Variants in TRDN observed in about 807,000 individuals in gnomAD.
TRDN encodes triadin in skeletal muscle.
TRDN carries 161 observed loss-of-function variants against 149.7 expected under a neutral mutation model. The ratio of observed to expected loss-of-function variants is 1.08; its 90% CI spans 0.95 to 1.23. TRDN has a LOEUF of 1.23. Ranked by LOEUF, TRDN falls within the 50% of genes most tolerant of loss-of-function variation. The pLI is 0.00. For synonymous variants in TRDN, 294 were observed against 250.5 expected (o/e 1.17, Z -1.64); for missense variants, 896 against 823.5 (o/e 1.09, Z -1.08).
rs1358605284 is a variant in TRDN, at chr6:123,407,545, A to C, written c.1052-13868T>G. ...TTTTGCTGTTCAGAGACATGTTTCT[A>C]TCTCTCCTCCTAAGCTGCACACTCC... On this transcript the variant is annotated intron_variant, in intron 12 of 40. Coordinates refer to ENST00000334268, the MANE Select transcript of TRDN (RefSeq NM_006073.4). 2.0e-5 allele frequency among the ~76,000 whole-genome samples: 3 copies of C among 151,844 alleles called. No individual in the cohort carries two copies. In the East Asian group the frequency reaches 5.8e-4, roughly 29 times the overall value.
intron 1 of TRDN, among the ~76,000 whole-genome samples, chr6:123,587,406 G>A (rs1783551138): frequency 6.6e-6 from 1 of 152,100 alleles, no homozygotes; most frequent in East Asian, 1.9e-4. Flanking sequence ...AGGAGAAAGT[G>A]GTTGAGGGAC....
intron 22 of TRDN, among the ~76,000 whole-genome samples, chr6:123,337,264 A>G (rs536231584): frequency 6.6e-6 from 1 of 152,058 alleles, no homozygotes; most frequent in Non-Finnish European, 1.5e-5. Flanking sequence ...TATGCACTAA[A>G]TATATATTTT....
intron 1 of TRDN, among the ~76,000 whole-genome samples, chr6:123,621,594 A>C (rs1785386165): frequency 6.7e-6 from 1 of 150,136 alleles, no homozygotes; most frequent in Non-Finnish European, 1.5e-5. Context: ...AAGAAAAATA[A>C]CAAACTCTAG....
chr6:123,396,417 T>A (rs943208089), intron 12 of TRDN, among the ~76,000 whole-genome samples: 1 of 152,190 alleles, frequency 6.6e-6, no homozygotes, highest in African/African-American at 2.4e-5. Flanking sequence ...ATAGTTTTGT[T>A]TATAGCTGTG....
intron 1 of TRDN, among the ~76,000 whole-genome samples, chr6:123,591,793 C>A (rs1482459997): frequency 6.6e-6 from 1 of 152,118 alleles, no homozygotes; most frequent in African/African-American, 2.4e-5. Context: ...GCTTGAAGCT[C>A]CTTTATGTGC....
intron 24 of TRDN, among the ~76,000 whole-genome samples, chr6:123,316,047 T>C (rs1252664066): frequency 6.6e-6 from 1 of 151,910 alleles, no homozygotes. Flanking sequence ...TGGTTGAAAG[T>C]AGGTAAATAC....
At chr6:123,589,938 C>A (rs1783700510) in intron 1 of TRDN, among the ~76,000 whole-genome samples, 1 of 151,896 alleles carries the variant, frequency 6.6e-6, no homozygotes, top group South Asian at 2.1e-4. Flanking sequence ...GATGAAGCAA[C>A]CTGTTTTTTA....
In TRDN at chr6:123,382,122, T is replaced by G; in HGVS notation, c.1161A>C (p.Ala387=). The change falls in exon 15 of 41, where the codon GCA becomes GCC. Residue 387 remains alanine, a synonymous_variant. Transcript: ENST00000334268. ...AAAAAGAAATATGTCCAGTACCTTC[T>G]GCAGGTTTTTTTGTTTTCTTGGAAT... ...KEDSKKTKKP[A]EVEQPKGKKQ... 6.7e-7 allele frequency: 1 copy of G among 1,498,104 alleles called. No homozygotes were observed. Among genetic ancestry groups the G allele is most frequent in the East Asian group, 2.7e-5 (1 of 37,332 alleles). 92.8% of individuals were successfully genotyped at this position (1,498,104 alleles called of 1,614,324 possible).
At chr6:123,535,049 T>A (rs958477688) in intron 4 of TRDN, among the ~76,000 whole-genome samples, 1 of 152,164 alleles carries the variant, frequency 6.6e-6, no homozygotes, top group African/African-American at 2.4e-5. Context: ...TCTTAAAAAT[T>A]GTTTTGTGTC....
intron 25 of TRDN, 61 bp from the exon 26 acceptor site, chr6:123,278,408 C>T (rs929718847): frequency 3.0e-6 from 3 of 1,005,544 alleles, no homozygotes; most frequent in African/African-American, 1.7e-5. Flanking sequence ...TTCCTATATA[C>T]TTGTGCATAT....
chr6:123,252,300 T>C (rs1454516521), intron 38 of TRDN, 112 bp downstream of exon 38: 1 of 535,150 alleles, frequency 1.9e-6, no homozygotes, highest in Non-Finnish European at 3.1e-6. Flanking sequence ...GAGGATTCAG[T>C]TTAGAATAAA....
intron 12 of TRDN, among the ~76,000 whole-genome samples, chr6:123,400,562 C>G (rs1772924486): frequency 6.6e-6 from 1 of 152,114 alleles, no homozygotes; most frequent in Non-Finnish European, 1.5e-5. Context: ...AGATGGAGCT[C>G]AGGCTGTAAT....
intron 1 of TRDN, among the ~76,000 whole-genome samples, chr6:123,581,031 G>A (rs1288037587): frequency 6.6e-6 from 1 of 152,078 alleles, no homozygotes; most frequent in Non-Finnish European, 1.5e-5. Context: ...CAGCCTCCCA[G>A]GCATCTGAGA....
At chr6:123,353,104 G>A (rs1215617039) in intron 20 of TRDN, among the ~76,000 whole-genome samples, 3 of 151,782 alleles carry the variant, frequency 2.0e-5, no homozygotes, top group African/African-American at 7.2e-5. Flanking sequence ...AAGATGTTTT[G>A]CTCTCAGTGA....
chr6:123,375,786 C>A (rs1562284077), intron 18 of TRDN, among the ~76,000 whole-genome samples, 155 bp from the exon 19 acceptor site: 1 of 152,024 alleles, frequency 6.6e-6, no homozygotes, highest in African/African-American at 2.4e-5. Flanking sequence ...AAATATAATA[C>A]TGTGCCATTT....
chr6:123,575,260 C>T (rs973385104), intron 1 of TRDN, among the ~76,000 whole-genome samples: 10 of 151,896 alleles, frequency 6.6e-5, no homozygotes, highest in Admixed American at 2.6e-4. Context: ...TTATGTGTTG[C>T]CCTTGTTATG....
intron 1 of TRDN, among the ~76,000 whole-genome samples, chr6:123,594,382 A>G (rs1783929640): frequency 6.6e-6 from 1 of 152,094 alleles, no homozygotes; most frequent in African/African-American, 2.4e-5. Flanking sequence ...ACTAATCCAG[A>G]CCAAGGCACT....
intron 24 of TRDN, among the ~76,000 whole-genome samples, chr6:123,289,216 A>C (rs1303976608): frequency 1.3e-5 from 2 of 150,608 alleles, no homozygotes; most frequent in African/African-American, 4.9e-5. Flanking sequence ...AAAAGAAGAA[A>C]ATTCTGTCAT....
rs878854815 is a variant in TRDN, at chr6:123,393,646, C to G, written c.1083G>C (p.Gly361=). The G allele has an allele frequency of 1.2e-6, 2 of 1,606,576 alleles. No homozygotes were observed. Among genetic ancestry groups the G allele is most frequent in the Non-Finnish European group, 1.7e-6 (2 of 1,175,934 alleles). ...EPGKASETKQ[G]TVKIAAQAAA... is the part of the protein sequence containing the mutation. Reference sequence around the variant, plus strand: ...TACCTTGTGCTGCAATTTTTACAGTCCCTTGTTTGGTTTCAGAAGCTTTTC... The same window carrying G: ...TACCTTGTGCTGCAATTTTTACAGTGCCTTGTTTGGTTTCAGAAGCTTTTC... The change falls in exon 13 of 41, where the codon GGG becomes GGC. Residue 361 remains glycine (G), a synonymous_variant. Coordinates refer to ENST00000334268, the MANE Select transcript of TRDN (RefSeq NM_006073.4).
Sources: allele counts gnomAD v4.1 joint callset (sites outside exome capture counted in the v4.1 genomes callset), GRCh38; gene constraint gnomAD v4.1.1; transcripts MANE v1.5; gene names NCBI Gene and HGNC (gene_info 2026-07-23, HGNC 2026-07-21).